Variants in TXNDC8 observed in about 807,000 individuals in gnomAD.
TXNDC8 encodes thioredoxin domain containing 8.
TXNDC8 carries 15 observed loss-of-function variants against 12.9 expected under a neutral mutation model. The observed-to-expected ratio is 1.16, with a 90% confidence interval of 0.78 to 1.79. TXNDC8 has a LOEUF of 1.79. TXNDC8 is among the 40% of genes most tolerant of loss of function. TXNDC8 has a pLI of 0.00. For synonymous variants in TXNDC8, 40 were observed against 35.4 expected, an observed-to-expected ratio of 1.13 and a Z score of -0.46; for missense variants, 128 against 113.2, an observed-to-expected ratio of 1.13 and a Z score of -0.59.
chr9:110,326,963 C>T (rs1839347387), intron 2 of TXNDC8, among the ~76,000 whole-genome samples: 1 of 151,830 alleles, frequency 6.6e-6, no homozygotes, highest in South Asian at 2.1e-4. Flanking sequence ...CACACACACA[C>T]ACACACACAC....
chr9:110,310,316 A>G (rs1388320067), intron 3 of TXNDC8, among the ~76,000 whole-genome samples: 1 of 152,156 alleles, frequency 6.6e-6, no homozygotes, highest in Non-Finnish European at 1.5e-5. Context: ...AGCACACCAG[A>G]CATTTTCTCT....
At chr9:110,332,573 A>G (rs1449542341) in intron 2 of TXNDC8, among the ~76,000 whole-genome samples, 1 of 151,794 alleles carries the variant, frequency 6.6e-6, no homozygotes, top group Non-Finnish European at 1.5e-5. Context: ...TTTTAGCTGT[A>G]TAGTCTTTAC....
chr9:110,301,296 C>A (rs1838267563), downstream of TXNDC8, among the ~76,000 whole-genome samples: 1 of 152,184 alleles, frequency 6.6e-6, no homozygotes, highest in Non-Finnish European at 1.5e-5. Flanking sequence ...AACAATTCCA[C>A]TTACAGGATT....
At chr9:110,334,030 C>G (rs1839647121) in intron 2 of TXNDC8, among the ~76,000 whole-genome samples, 186 bp downstream of exon 2, 1 of 152,172 alleles carries the variant, frequency 6.6e-6, no homozygotes, top group African/African-American at 2.4e-5. Context: ...TAGTATTAAT[C>G]TTCTGGTGTG....
chr9:110,312,154 T>G (rs1357670301), intron 3 of TXNDC8, among the ~76,000 whole-genome samples: 2 of 152,218 alleles, frequency 1.3e-5, no homozygotes, highest in African/African-American at 4.8e-5. Flanking sequence ...TTTGCTTTAT[T>G]GACAGCTTTT....
At chr9:110,318,178 G>A (rs1296150586) in intron 3 of TXNDC8, among the ~76,000 whole-genome samples, 4 of 152,210 alleles carry the variant, frequency 2.6e-5, no homozygotes, top group Non-Finnish European at 5.9e-5. Flanking sequence ...GCTACCGGAA[G>A]TTCATTGCTA....
chr9:110,328,445 G>C (rs7852696), intron 2 of TXNDC8, among the ~76,000 whole-genome samples: 2 of 151,978 alleles, frequency 1.3e-5, no homozygotes, highest in African/African-American at 4.8e-5. Context: ...CACAAAAAGC[G>C]TAAGATATTG....
chr9:110,337,558 A>G (rs998344017), intron 1 of TXNDC8, among the ~76,000 whole-genome samples: 3 of 152,206 alleles, frequency 2.0e-5, no homozygotes, highest in Non-Finnish European at 4.4e-5. Context: ...GTCCAGGAGG[A>G]AGAAAGCCCT....
chr9:110,311,521 G>GCATA (rs1491185921), intron 3 of TXNDC8, among the ~76,000 whole-genome samples: 1 of 41,220 alleles, frequency 2.4e-5, no homozygotes, highest in Non-Finnish European at 6.2e-5. Flanking sequence ...AAATAAAGAG[G>GCATA]TATATATATA....
At chr9:110,328,940 C>T (rs1338469662) in intron 2 of TXNDC8, among the ~76,000 whole-genome samples, 1 of 152,162 alleles carries the variant, frequency 6.6e-6, no homozygotes, top group Non-Finnish European at 1.5e-5. Flanking sequence ...TGAGGCAGAA[C>T]GCAGAGCAAG....
At chr9:110,333,398 C>T (rs1839619478) in intron 2 of TXNDC8, among the ~76,000 whole-genome samples, 1 of 152,186 alleles carries the variant, frequency 6.6e-6, no homozygotes, top group Admixed American at 6.5e-5. Context: ...CTTCCTGAAA[C>T]CATCCCGGCA....
At chr9:110,329,989 AC>A (rs1212806779) in intron 2 of TXNDC8, among the ~76,000 whole-genome samples, 1 of 152,118 alleles carries the variant, frequency 6.6e-6, no homozygotes, top group Non-Finnish European at 1.5e-5. Context: ...TTTGGCAGTG[AC>A]GGTGACCATG....
chr9:110,309,250 C>G (rs556325913), intron 3 of TXNDC8, among the ~76,000 whole-genome samples: 2 of 152,152 alleles, frequency 1.3e-5, no homozygotes, highest in East Asian at 1.9e-4. Context: ...CTGGGTGACT[C>G]GGGCCTCAAG....
rs1032177635 is a variant in TXNDC8 at position 110,326,227 on chromosome 9, G to A, written c.143C>T (p.Thr48Ile). The change falls in exon 3 of 5, where the codon ACT becomes ATT. Residue 48 changes from threonine to isoleucine, a missense_variant. Physicochemically the swap from Thr to Ile is moderately conservative, Grantham distance 89 (BLOSUM62 -1). Coordinates refer to ENST00000423740, the MANE Select transcript of TXNDC8 (RefSeq NM_001286946.2). ...TGTGGGTATTGTTTTGATGTGACAA[G>A]TTTCAGCCAGCTCCTGGGAAAGCAA... The A allele has an allele frequency of 1.9e-6, 3 of 1,613,876 alleles. No individual in the cohort carries two copies. The highest frequency in any genetic ancestry group is 1.7e-5 in the Admixed American group (1 of 59,998).
chr9:110,337,797 G>A lies in TXNDC8; in HGVS notation c.-1C>T, dbSNP rs1839818815. The A allele has an allele frequency of 6.2e-7, 1 of 1,613,832 alleles. No individual in the cohort carries two copies. Among genetic ancestry groups the A allele is most frequent in the Non-Finnish European group, 8.5e-7 (1 of 1,179,862 alleles). On this transcript the variant is annotated 5_prime_UTR_variant, in exon 1 of 5. Transcript: ENST00000423740. Reference sequence around the variant, plus strand: ...CCGTGTCTTTAATAATCTGTACCATGATTACACCAGGGAAGTGCTGATGAA... The same window carrying A: ...CCGTGTCTTTAATAATCTGTACCATAATTACACCAGGGAAGTGCTGATGAA...
chr9:110,324,631 T>C (rs900573607), intron 3 of TXNDC8, among the ~76,000 whole-genome samples: 18 of 152,236 alleles, frequency 1.2e-4, no homozygotes, highest in Admixed American at 2.0e-4. Context: ...TAAAACTAGA[T>C]ATAGTGCTAC....
intron 3 of TXNDC8, among the ~76,000 whole-genome samples, chr9:110,317,861 A>T (rs1031440653): frequency 6.6e-6 from 1 of 152,046 alleles, no homozygotes; most frequent in Admixed American, 6.5e-5. Context: ...ACTATGTTTG[A>T]CCCTTCACCA....
downstream of TXNDC8, among the ~76,000 whole-genome samples, chr9:110,303,096 G>T (rs145617328): frequency 2.0e-3 from 307 of 152,108 alleles, 1 homozygote; most frequent in African/African-American, 6.9e-3. Context: ...GAAGAATTTT[G>T]TACCATAAGA....
rs1335145629 is a variant in TXNDC8 at position 110,314,433 on chromosome 9, TTTTTC to T, written c.196-9906_196-9902del. 1.1e-3 allele frequency among the ~76,000 whole-genome samples: 138 copies of T among 127,590 alleles called. 1 individual carries two copies. Among genetic ancestry groups the T allele is most frequent in the African/African-American group, 3.7e-3 (128 of 34,270 alleles). The allele number at this position is 127,590 out of a possible 152,430, so 83.7% of individuals were successfully genotyped here. On this transcript the variant is annotated intron_variant, in intron 3 of 4. Coordinates refer to ENST00000423740, the MANE Select transcript of TXNDC8 (RefSeq NM_001286946.2). ...TTTCTTTTTTTCTTTTTCTTTTTCT[TTTTTC>T]TTTTTTTTTTTTGAGATGGAGTCTC...
Sources: allele counts gnomAD v4.1 joint callset (sites outside exome capture counted in the v4.1 genomes callset), GRCh38; gene constraint gnomAD v4.1.1; transcripts MANE v1.5; gene names NCBI Gene and HGNC (gene_info 2026-07-23, HGNC 2026-07-21).